ASB4: variants seen among roughly 807,000 people sequenced by gnomAD.
The protein encoded by ASB4 is ankyrin repeat and SOCS box protein 4.
In ASB4, 35 loss-of-function variants were observed where a neutral mutation model predicts 38.6. The observed-to-expected ratio is 0.91, with a 90% CI of 0.69 to 1.20. ASB4 has a LOEUF of 1.20. Ranked by LOEUF, ASB4 falls within the 50% of genes most tolerant of loss-of-function variation. ASB4 has a pLI of 0.00. For synonymous variants in ASB4, 195 were observed against 201.3 expected (o/e 0.97, Z 0.26); for missense variants, 557 against 527.2 (o/e 1.06, Z -0.55).
chr7:95,470,817 T>C, the ASB4 span, among the ~76,000 whole-genome samples: 1 of 152,184 alleles, frequency 6.6e-6, no homozygotes, highest in Non-Finnish European at 1.5e-5. Flanking sequence ...TAGGGTTTTC[T>C]TTTTTCCCCC....
chr7:95,481,361 G>GAA (rs146164007), upstream of ASB4, among the ~76,000 whole-genome samples: 11 of 147,948 alleles, frequency 7.4e-5, no homozygotes, highest in African/African-American at 2.5e-4. Context: ...GCAAAAAAAG[G>GAA]AAAAAAAAAC....
At position 95,496,000 on chromosome 7, in the gene ASB4, T is replaced by G; in HGVS notation, c.430T>G (p.Leu144Val). The G allele has an allele frequency of 1.2e-6, 2 of 1,614,042 alleles. No homozygotes were observed. Among genetic ancestry groups the G allele is most frequent in the South Asian group, 2.2e-5 (2 of 91,072 alleles). ...NCYSLSGHTA[L>V]HFCTTPSSIL... ...CTACTCCTTAAGTGGACACACAGCTTTGCACTTTTGTACAACTCCAAGTTC... is the reference window on the plus strand; with the variant it reads ...CTACTCCTTAAGTGGACACACAGCTGTGCACTTTTGTACAACTCCAAGTTC... Residue 144 changes from leucine to valine, a missense_variant, in exon 2 of 5, where the codon TTG becomes GTG. Physicochemically the swap from Leu to Val is conservative, Grantham distance 32. Coordinates refer to ENST00000325885, the MANE Select transcript of ASB4 (RefSeq NM_016116.3).
At chr7:95,527,345 G>A (rs888918895) in intron 2 of ASB4, among the ~76,000 whole-genome samples, 4 of 152,120 alleles carry the variant, frequency 2.6e-5, no homozygotes, top group Admixed American at 1.3e-4. Flanking sequence ...AAACTTTTAG[G>A]TTTATCTGCT....
At chr7:95,537,481 C>A in intron 4 of ASB4, 90 bp from the exon 5 acceptor site, 1 of 1,121,114 alleles carries the variant, frequency 8.9e-7, no homozygotes, top group Non-Finnish European at 1.3e-6. Context: ...GCTGCCATTA[C>A]GTATAGAGGT....
In ASB4 at chr7:95,529,651, A is replaced by G. The variant is rs141774184; in HGVS notation, c.978+1348A>G. 3.9e-3 allele frequency among the ~76,000 whole-genome samples: 598 copies of G among 152,336 alleles called. 4 individuals are homozygous for G. The highest frequency in any genetic ancestry group is 0.014 in the African/African-American group (564 of 41,574). ...AACTAATTCTTTTTTAAAAAATTAT[A>G]TGTAAAGCCCAGAATGTCATGAATT... On this transcript the variant is annotated intron_variant, in intron 3 of 4. Transcript: ENST00000325885.
intron 2 of ASB4, among the ~76,000 whole-genome samples, chr7:95,520,085 A>G (rs941837621): frequency 1.1e-4 from 16 of 152,338 alleles, no homozygotes; most frequent in East Asian, 5.8e-4. Context: ...AACCTTTAAT[A>G]AAATATTAAA....
At chr7:95,549,174 T>C in the ASB4 span, among the ~76,000 whole-genome samples, 2 of 152,002 alleles carry the variant, frequency 1.3e-5, no homozygotes, top group African/African-American at 4.8e-5. Flanking sequence ...GATGGGGATA[T>C]AGAAAGAGAG....
chr7:95,550,189 G>A, the ASB4 span, among the ~76,000 whole-genome samples: 1 of 152,194 alleles, frequency 6.6e-6, no homozygotes, highest in East Asian at 1.9e-4. Context: ...CTGGACCTGG[G>A]GACTATCTTA....
chr7:95,528,770 AT>A, intron 3 of ASB4: 1 of 871,478 alleles, frequency 1.1e-6, no homozygotes, highest in Non-Finnish European at 1.4e-6. Context: ...TATATTTATT[AT>A]GTATAATAAA....
At chr7:95,544,377 A>T (rs1413911754), downstream of ASB4, 4 of 152,234 alleles carry the variant, frequency 2.6e-5, no homozygotes, top group Non-Finnish European at 5.9e-5. Flanking sequence ...GATGGACAAC[A>T]AAAGGTCTCT....
intron 2 of ASB4, among the ~76,000 whole-genome samples, chr7:95,497,203 T>C (rs576308743): frequency 2.0e-5 from 3 of 152,292 alleles, no homozygotes; most frequent in Non-Finnish European, 4.4e-5. Flanking sequence ...TTTAAAGTCA[T>C]TATTCTGGAG....
At chr7:95,473,578 C>A (rs576005953), upstream of ASB4, 1 of 152,040 alleles carries the variant, frequency 6.6e-6, no homozygotes, top group South Asian at 2.1e-4. Context: ...CTTGCTCTTG[C>A]AACCTGAAAG....
Position 95,493,670 on chromosome 7 carries a change from C to T in ASB4, c.188-2088C>T, listed in dbSNP as rs116833145. 5.5e-3 allele frequency among the ~76,000 whole-genome samples: 844 copies of T among 152,176 alleles called. 9 individuals carry two copies. The highest frequency in any genetic ancestry group is 0.019 in the African/African-American group (783 of 41,510). ...TACCTCCTTGTAACAAGAACAAGTG[C>T]ATTTCTGTCCTGATCCCCCAACCCC... On this transcript the variant is annotated intron_variant, in intron 1 of 4. Transcript: ENST00000325885.
At chr7:95,493,034 G>A (rs956555669) in intron 1 of ASB4, among the ~76,000 whole-genome samples, 58 of 152,086 alleles carry the variant, frequency 3.8e-4, no homozygotes, top group Non-Finnish European at 6.2e-4. Flanking sequence ...CACACGAGGC[G>A]TGGAGTTGAT....
In ASB4 at chr7:95,501,332, C is replaced by T. The variant is rs144825222; in HGVS notation, c.487+5275C>T. ...CCTTTTAAAAGACTGTTCCCTGCTACTTTATCTGACAGTGACACAAGTCAA... is the reference window on the plus strand; with the variant it reads ...CCTTTTAAAAGACTGTTCCCTGCTATTTTATCTGACAGTGACACAAGTCAA... On this transcript the variant is annotated intron_variant, in intron 2 of 4. Transcript: ENST00000325885. Among the ~76,000 whole-genome samples, 843 of 152,294 alleles carry T rather than the reference C, an allele frequency of 5.5e-3. 10 individuals are homozygous for T. The highest frequency in any genetic ancestry group is 0.019 in the African/African-American group (782 of 41,550).
chr7:95,498,823 T>G (rs1790289266), intron 2 of ASB4, among the ~76,000 whole-genome samples: 1 of 152,190 alleles, frequency 6.6e-6, no homozygotes, highest in African/African-American at 2.4e-5. Flanking sequence ...AATTTTTTTA[T>G]ATGGTATAAG....
At chr7:95,528,404 G>A (rs1488890527) in intron 3 of ASB4, 101 bp downstream of exon 3, 1 of 1,572,340 alleles carries the variant, frequency 6.4e-7, no homozygotes, top group African/African-American at 1.3e-5. Flanking sequence ...TTGAGTCCTG[G>A]GCTAACTACC....
intron 2 of ASB4, among the ~76,000 whole-genome samples, chr7:95,526,320 C>T (rs886685621): frequency 1.3e-5 from 2 of 152,172 alleles, no homozygotes; most frequent in Non-Finnish European, 2.9e-5. Flanking sequence ...TGACCTTGTT[C>T]TGTGCGCACA....
At chr7:95,525,288 G>T (rs908353462) in intron 2 of ASB4, among the ~76,000 whole-genome samples, 10 of 152,178 alleles carry the variant, frequency 6.6e-5, no homozygotes, top group South Asian at 2.1e-4. Context: ...GCTACCCAGT[G>T]TGTGGTATTT....
Sources: allele counts gnomAD v4.1 joint callset (sites outside exome capture counted in the v4.1 genomes callset), GRCh38; gene constraint gnomAD v4.1.1; transcripts MANE v1.5; gene names NCBI Gene and HGNC (gene_info 2026-07-23, HGNC 2026-07-21).